Variants in ZNF385B observed in about 807,000 individuals in gnomAD.
ZNF385B encodes the protein zinc finger protein 533.
Under a neutral mutation model 39.2 loss-of-function variants are expected in ZNF385B, and 23 were observed. The ratio of observed to expected loss-of-function variants is 0.59; its 90% CI spans 0.42 to 0.83. The LOEUF is 0.83. ZNF385B is among the 40% of genes least tolerant of loss of function. The pLI is 0.00. For synonymous variants in ZNF385B, 205 were observed against 222.6 expected, an observed-to-expected ratio of 0.92 and a Z score of 0.70; for missense variants, 552 against 598.9, an observed-to-expected ratio of 0.92 and a Z score of 0.82.
intron 3 of ZNF385B, among the ~76,000 whole-genome samples, chr2:179,761,756 CTTTTCT>C (rs1703404599): frequency 9.1e-6 from 1 of 109,588 alleles, no homozygotes; most frequent in Non-Finnish European, 1.9e-5. Flanking sequence ...CATTTTTTTT[CTTTTCT>C]TTTTTTTTTT....
chr2:179,693,057 T>TTTTAAGTTTGAGAAGCACTGATTTGA (rs2095586165), intron 3 of ZNF385B, among the ~76,000 whole-genome samples: 1 of 152,350 alleles, frequency 6.6e-6, no homozygotes, highest in African/African-American at 2.4e-5. Context: ...AATCAGAGCT[T>TTTTAAGTTTGAGAAGCACTGATTTGA]GCCTTTTTAA....
intron 3 of ZNF385B, among the ~76,000 whole-genome samples, chr2:179,720,556 A>G (rs1700624072): frequency 7.0e-6 from 1 of 142,398 alleles, no homozygotes. Flanking sequence ...AGGGGAGGAG[A>G]GGGAGGGAGG....
At chr2:179,531,522 G>A (rs928156111) in intron 4 of ZNF385B, among the ~76,000 whole-genome samples, 4 of 152,066 alleles carry the variant, frequency 2.6e-5, no homozygotes, top group African/African-American at 9.7e-5. Context: ...TGTAATCCCA[G>A]CTACTGGGGA....
chr2:179,561,043 C>T (rs16866777), intron 3 of ZNF385B, among the ~76,000 whole-genome samples: 23,431 of 152,098 alleles, frequency 0.15, 1,896 homozygotes, highest in Middle Eastern at 0.17. Context: ...TATATTTTTA[C>T]GGAAATTCAT....
At chr2:179,797,469 CA>C in intron 1 of ZNF385B, among the ~76,000 whole-genome samples, 1 of 152,268 alleles carries the variant, frequency 6.6e-6, no homozygotes, top group East Asian at 1.9e-4. Context: ...TAAGCTTCCC[CA>C]ATTTTCATCT....
chr2:179,667,271 G>A (rs985150717), intron 3 of ZNF385B, among the ~76,000 whole-genome samples: 4 of 151,960 alleles, frequency 2.6e-5, no homozygotes, highest in African/African-American at 9.7e-5. Context: ...ATATAGTATC[G>A]AGTGAGCTTA....
intron 3 of ZNF385B, among the ~76,000 whole-genome samples, chr2:179,749,506 G>A (rs1234153276): frequency 1.3e-5 from 2 of 152,128 alleles, no homozygotes; most frequent in Non-Finnish European, 2.9e-5. Context: ...CCAGAGGGAT[G>A]TCTAACCCAG....
intron 3 of ZNF385B, among the ~76,000 whole-genome samples, chr2:179,726,577 A>G (rs954033107): frequency 6.6e-6 from 1 of 152,056 alleles, no homozygotes; most frequent in African/African-American, 2.4e-5. Context: ...GTAAGACTTC[A>G]ATACACTGTA....
At chr2:179,830,003 T>C (rs1008205600) in intron 1 of ZNF385B, among the ~76,000 whole-genome samples, 3 of 152,116 alleles carry the variant, frequency 2.0e-5, no homozygotes, top group Admixed American at 6.5e-5. Flanking sequence ...ATCCAAAATA[T>C]AAAAAACTCT....
intron 3 of ZNF385B, among the ~76,000 whole-genome samples, chr2:179,708,441 C>G (rs1161932846): frequency 6.6e-6 from 1 of 152,182 alleles, no homozygotes; most frequent in South Asian, 2.1e-4. Context: ...CAGACTAATA[C>G]AAGAGCCAAA....
At chr2:179,736,824 G>T (rs113985442) in intron 3 of ZNF385B, among the ~76,000 whole-genome samples, 13,866 of 152,024 alleles carry the variant, frequency 0.091, 712 homozygotes, top group Non-Finnish European at 0.11. Flanking sequence ...CAAAAAATTA[G>T]CCAGGCATGG....
intron 3 of ZNF385B, among the ~76,000 whole-genome samples, chr2:179,671,992 A>C (rs1696072849): frequency 6.6e-6 from 1 of 152,228 alleles, no homozygotes; most frequent in Non-Finnish European, 1.5e-5. Context: ...CCAGCTCAAG[A>C]GAACTGCAGG....
At chr2:179,520,481 G>T (rs895944294) in intron 4 of ZNF385B, among the ~76,000 whole-genome samples, 1 of 151,968 alleles carries the variant, frequency 6.6e-6, no homozygotes, top group African/African-American at 2.4e-5. Flanking sequence ...ATCTCAAAAG[G>T]TCAGAAAATA....
At chr2:179,484,048 C>T (rs2054298451) in intron 5 of ZNF385B, among the ~76,000 whole-genome samples, 1 of 152,122 alleles carries the variant, frequency 6.6e-6, no homozygotes, top group African/African-American at 2.4e-5. Context: ...ACCCTTGTTT[C>T]TGATCTCAGA....
intron 3 of ZNF385B, among the ~76,000 whole-genome samples, chr2:179,579,057 T>C (rs1686184111): frequency 6.6e-6 from 1 of 152,096 alleles, no homozygotes; most frequent in African/African-American, 2.4e-5. Flanking sequence ...CTGACAAATC[T>C]GGGAACACTA....
intron 3 of ZNF385B, among the ~76,000 whole-genome samples, chr2:179,707,390 C>T (rs1272362697): frequency 6.6e-6 from 1 of 152,204 alleles, no homozygotes; most frequent in Admixed American, 6.5e-5. Context: ...AGCCATCCCC[C>T]TCTTAGCTGA....
intron 3 of ZNF385B, among the ~76,000 whole-genome samples, chr2:179,734,677 A>T (rs1701624886): frequency 6.6e-6 from 1 of 152,230 alleles, no homozygotes; most frequent in South Asian, 2.1e-4. Flanking sequence ...AAGACTCAAG[A>T]CATAGACCCT....
intron 3 of ZNF385B, among the ~76,000 whole-genome samples, chr2:179,627,676 T>C (rs925751): frequency 0.64 from 97,534 of 152,046 alleles, 31,417 homozygotes; most frequent in Admixed American, 0.72. Flanking sequence ...AGTATTCACA[T>C]GTTGCAAACT....
chr2:179,710,071 GAT>G (rs1172404261), intron 3 of ZNF385B, among the ~76,000 whole-genome samples: 1 of 152,178 alleles, frequency 6.6e-6, no homozygotes, highest in East Asian at 1.9e-4. Context: ...CAGTGGGGCT[GAT>G]TGAATGGATG....
Sources: allele counts gnomAD v4.1 joint callset (sites outside exome capture counted in the v4.1 genomes callset), GRCh38; gene constraint gnomAD v4.1.1; transcripts MANE v1.5; gene names NCBI Gene and HGNC (gene_info 2026-07-23, HGNC 2026-07-21).